Variants in CDH9 observed in about 807,000 individuals in gnomAD.
CDH9 encodes cadherin 9.
In CDH9, 28 loss-of-function variants were observed where a neutral mutation model predicts 70.9. That is an observed-to-expected ratio of 0.40 (90% confidence interval 0.29 to 0.54). The LOEUF is 0.54. CDH9 is among the 20% of genes least tolerant of loss of function. The probability of loss-of-function intolerance (pLI) is 0.59; values close to 1 mark genes in which losing one functional copy is unlikely to be tolerated. For synonymous variants in CDH9, 409 were observed against 343.1 expected, an observed-to-expected ratio of 1.19 and a Z score of -2.12; for missense variants, 874 against 984.4, an observed-to-expected ratio of 0.89 and a Z score of 1.50.
At chr5:27,036,192 A>C (rs560718484) in intron 1 of CDH9, among the ~76,000 whole-genome samples, 1 of 152,016 alleles carries the variant, frequency 6.6e-6, no homozygotes, top group East Asian at 1.9e-4. Flanking sequence ...GTAGAATAAA[A>C]ACAATCTAAT....
intron 2 of CDH9, among the ~76,000 whole-genome samples, chr5:26,932,279 C>A (rs1741476723): frequency 6.6e-6 from 1 of 151,874 alleles, no homozygotes; most frequent in East Asian, 1.9e-4. Flanking sequence ...GTAAAAATAT[C>A]TTTCAAAAAA....
chr5:26,949,175 T>G (rs1169627846), intron 2 of CDH9, among the ~76,000 whole-genome samples: 1 of 152,176 alleles, frequency 6.6e-6, no homozygotes, highest in East Asian at 1.9e-4. Context: ...CCTTTTGGCT[T>G]AACAAGGGCT....
chr5:27,013,675 G>A (rs188015509), intron 1 of CDH9, among the ~76,000 whole-genome samples: 17 of 151,822 alleles, frequency 1.1e-4, no homozygotes, highest in Admixed American at 8.6e-4. Flanking sequence ...CCTACCAACC[G>A]ACCTGTGATG....
chr5:26,953,357 G>T (rs1741887188), intron 2 of CDH9, among the ~76,000 whole-genome samples: 1 of 152,116 alleles, frequency 6.6e-6, no homozygotes, highest in Admixed American at 6.6e-5. Flanking sequence ...CACTACAATT[G>T]TAATCATAAT....
intron 1 of CDH9, among the ~76,000 whole-genome samples, chr5:27,022,450 A>T (rs2112126802): frequency 6.6e-6 from 1 of 152,234 alleles, no homozygotes; most frequent in East Asian, 1.9e-4. Flanking sequence ...TTGTAAATGC[A>T]AATAGTATCA....
chr5:26,969,578 G>A (rs1455554992), intron 2 of CDH9, among the ~76,000 whole-genome samples: 1 of 151,962 alleles, frequency 6.6e-6, no homozygotes, highest in Non-Finnish European at 1.5e-5. Flanking sequence ...ATAAAATTAT[G>A]TTTTCCTTTG....
At chr5:26,956,675 C>T (rs1189775679) in intron 2 of CDH9, among the ~76,000 whole-genome samples, 1 of 152,162 alleles carries the variant, frequency 6.6e-6, no homozygotes, top group East Asian at 1.9e-4. Context: ...CTGCTTTCCA[C>T]CATGGCATGA....
At chr5:26,967,266 T>C (rs6860171) in intron 2 of CDH9, among the ~76,000 whole-genome samples, 30,782 of 152,044 alleles carry the variant, frequency 0.2, 3,929 homozygotes, top group Non-Finnish European at 0.28. Context: ...TCTTTTCTTC[T>C]ATCCTTTTCT....
chr5:26,937,271 T>A (rs1173557239), intron 2 of CDH9, among the ~76,000 whole-genome samples: 1 of 152,136 alleles, frequency 6.6e-6, no homozygotes, highest in Non-Finnish European at 1.5e-5. Flanking sequence ...ATCAAAAATG[T>A]GCAACATCAT....
chr5:26,988,007 A>T, intron 2 of CDH9, 99 bp downstream of exon 2: 2 of 784,502 alleles, frequency 2.5e-6, no homozygotes, highest in Non-Finnish European at 4.1e-6. Context: ...ATAATTAGTT[A>T]AATATTTTTT....
chr5:26,885,902 A>G (rs769594406), intron 10 of CDH9, 37 bp from the exon 11 acceptor site: 6 of 1,604,648 alleles, frequency 3.7e-6, no homozygotes, highest in Non-Finnish European at 5.1e-6. Flanking sequence ...AAAAACTTTC[A>G]TATTTGTTTT....
chr5:26,969,558 A>G (rs1742182896), intron 2 of CDH9, among the ~76,000 whole-genome samples: 1 of 152,122 alleles, frequency 6.6e-6, no homozygotes, highest in Non-Finnish European at 1.5e-5. Context: ...CTATTTTTGT[A>G]GGTTTTGAAA....
intron 1 of CDH9, among the ~76,000 whole-genome samples, chr5:26,993,111 A>AC (rs1742608534): frequency 6.6e-6 from 1 of 151,982 alleles, no homozygotes; most frequent in Admixed American, 6.6e-5. Flanking sequence ...CCAAAAAAAA[A>AC]AAAAAAAAGC....
intron 2 of CDH9, among the ~76,000 whole-genome samples, chr5:26,921,967 A>C (rs886742515): frequency 1.3e-5 from 2 of 151,910 alleles, no homozygotes; most frequent in Non-Finnish European, 2.9e-5. Context: ...AGCGGGATTG[A>C]TTAAACAGAA....
At chr5:26,964,367 C>T (rs1237626930) in intron 2 of CDH9, among the ~76,000 whole-genome samples, 1 of 152,152 alleles carries the variant, frequency 6.6e-6, no homozygotes, top group African/African-American at 2.4e-5. Context: ...TGTCCTTTCT[C>T]AATGAATGAA....
chr5:27,035,704 GTGT>G (rs777918030), intron 1 of CDH9, among the ~76,000 whole-genome samples: 4 of 150,012 alleles, frequency 2.7e-5, no homozygotes, highest in Non-Finnish European at 5.9e-5. Context: ...GTGTGTGTGT[GTGT>G]GTGGGTGTGT....
At chr5:27,006,543 G>A (rs1742868085) in intron 1 of CDH9, among the ~76,000 whole-genome samples, 1 of 152,072 alleles carries the variant, frequency 6.6e-6, no homozygotes, top group Non-Finnish European at 1.5e-5. Context: ...GCTCTCTCTG[G>A]AGTAATATCT....
chr5:27,007,978 A>G (rs370526496), intron 1 of CDH9, among the ~76,000 whole-genome samples: 1 of 152,088 alleles, frequency 6.6e-6, no homozygotes, highest in South Asian at 2.1e-4. Context: ...AAAAAAAAAG[A>G]CACTTACATT....
chr5:27,005,275 A>G (rs1251578120), intron 1 of CDH9, among the ~76,000 whole-genome samples: 4 of 152,108 alleles, frequency 2.6e-5, no homozygotes, highest in African/African-American at 9.7e-5. Flanking sequence ...AGTCATATGC[A>G]ACCTAGGCAA....
Sources: allele counts gnomAD v4.1 joint callset (sites outside exome capture counted in the v4.1 genomes callset), GRCh38; gene constraint gnomAD v4.1.1; transcripts MANE v1.5; gene names NCBI Gene and HGNC (gene_info 2026-07-23, HGNC 2026-07-21).